The following FER1L5 variants were observed in gnomAD, a reference collection of about 807,000 sequenced individuals.
FER1L5 encodes the protein fer-1 like family member 5, also known as fer-1-like protein 5.
A neutral mutation model predicts 279.9 loss-of-function variants in FER1L5; 187 were observed. That is an observed-to-expected ratio of 0.67 (90% confidence interval 0.59 to 0.75). FER1L5 has a LOEUF of 0.75. Ranked by LOEUF, FER1L5 falls within the 30% of genes least tolerant of loss-of-function variation. The pLI is 0.00. For synonymous variants in FER1L5, 921 were observed against 989.7 expected (o/e 0.93, Z 1.30); for missense variants, 2,091 against 2,594.4 (o/e 0.81, Z 4.21).
chr2:96,692,642 G>A (rs962293932), intron 31 of FER1L5, among the ~76,000 whole-genome samples: 2 of 152,206 alleles, frequency 1.3e-5, no homozygotes, highest in African/African-American at 2.4e-5. Flanking sequence ...TGTATCACTC[G>A]TGTTTGGACA....
rs72809813 is a variant in FER1L5, at chr2:96,648,238, A to G, written c.339+352A>G. Among the ~76,000 whole-genome samples, 1,303 of 152,318 alleles carry G rather than the reference A, an allele frequency of 8.6e-3. 17 individuals carry two copies. The highest frequency in any genetic ancestry group is 0.012 in the Non-Finnish European group (798 of 68,026). ...GGCTCAGGTCAGGAGGGAGTGAACAATTTGTCTCAGGAGGTCATGGACAGA... is the reference window on the plus strand; with the variant it reads ...GGCTCAGGTCAGGAGGGAGTGAACAGTTTGTCTCAGGAGGTCATGGACAGA... On this transcript the variant is annotated intron_variant, in intron 4 of 52. Transcript: ENST00000624922.
chr2:96,661,547 C>T (rs1273343797), intron 11 of FER1L5, 107 bp downstream of exon 11: 14 of 1,503,688 alleles, frequency 9.3e-6, no homozygotes, highest in South Asian at 2.4e-5. Context: ...TTGTCCGCTG[C>T]GTCACTGCAG....
chr2:96,670,767 C>T (rs949136670), intron 18 of FER1L5, among the ~76,000 whole-genome samples: 2 of 150,806 alleles, frequency 1.3e-5, no homozygotes, highest in African/African-American at 2.4e-5. Flanking sequence ...GGCTGGGCAA[C>T]AAAGCAAGAC....
intron 9 of FER1L5, among the ~76,000 whole-genome samples, chr2:96,659,433 CTTTCTTTCTTTCTTTCTTTCTTTCTTT>C (rs2075825953): frequency 1.1e-4 from 2 of 18,214 alleles, no homozygotes; most frequent in Non-Finnish European, 1.9e-4. Context: ...TTCTTTCTTT[CTTTCTTTCTTTCTTTCTTTCTTTCTTT>C]CTTTCTTTCT....
rs1284737019 is a variant in FER1L5, at chr2:96,691,947, C to A, written c.3198C>A (p.Ile1066=). Residue 1066 remains isoleucine, a synonymous_variant, in exon 30 of 53, where the codon ATC becomes ATA. Transcript: ENST00000624922. This position sits in a 1 kb window ranked among gnomAD's most constrained non-coding sequence, Gnocchi z 6.0. ...QDTRPPNLPF[I]YCTFNKPHYY... ...CCCGGCCCCCCAACTTGCCCTTCAT[C>A]TACTGCACCTTCAATAGTAAGCACT... 4 of 1,545,308 alleles carry A rather than the reference C, an allele frequency of 2.6e-6. No homozygotes were observed. The highest frequency in any genetic ancestry group is 8.7e-7 in the Non-Finnish European group (1 of 1,145,978).
Position 96,702,884 on chromosome 2 carries a change from A to G in FER1L5, c.5398-94A>G. The stretch of plus-strand genomic sequence containing the variant: ...CCTCAGGTGGAAACCCTCTTCCTTG[A>G]TAGTCTATCACTGCTGGGTGGAGGG... On this transcript the variant is annotated intron_variant, in intron 48 of 52. Coordinates refer to ENST00000624922, the MANE Select transcript of FER1L5 (RefSeq NM_001293083.2). The surrounding 1 kb of genome is among the most constrained non-coding windows in gnomAD (Gnocchi z 4.0). 1 of 1,530,602 alleles carries G rather than the reference A, an allele frequency of 6.5e-7. No homozygotes were observed. Among genetic ancestry groups the G allele is most frequent in the South Asian group, 1.2e-5 (1 of 83,602 alleles). The allele number at this position is 1,530,602 out of a possible 1,614,324, so 94.8% of individuals were successfully genotyped here.
At chr2:96,667,496 C>T (rs1288650296) in intron 14 of FER1L5, among the ~76,000 whole-genome samples, 4 of 151,760 alleles carry the variant, frequency 2.6e-5, no homozygotes, top group Admixed American at 1.3e-4. Context: ...TACAGGCATG[C>T]GCCACCACAC....
In FER1L5 at chr2:96,691,841, A is replaced by G. The variant is rs1438863454; in HGVS notation, c.3092A>G (p.Tyr1031Cys). The change falls in exon 30 of 53, where the codon TAC becomes TGC. Residue 1031 changes from tyrosine to cysteine, a missense_variant. Tyr to Cys is a radical substitution (Grantham distance 194). Transcript: ENST00000624922. This position sits in a 1 kb window ranked among gnomAD's most constrained non-coding sequence, Gnocchi z 6.0. ...LEGSLAMDLK[Y>C]HAGKEEDSKT... Reference sequence around the variant, plus strand: ...TGGGTACAGGCTATGGATCTGAAATACCACGCTGGGAAGGAAGAGGACAGC... The same window carrying G: ...TGGGTACAGGCTATGGATCTGAAATGCCACGCTGGGAAGGAAGAGGACAGC... 1 of 1,551,568 alleles carries G rather than the reference A, an allele frequency of 6.4e-7. No individual in the cohort carries two copies. Among genetic ancestry groups the G allele is most frequent in the Non-Finnish European group, 8.7e-7 (1 of 1,146,966 alleles).
chr2:96,682,774 T>G (rs758748917), intron 19 of FER1L5, among the ~76,000 whole-genome samples: 5 of 152,126 alleles, frequency 3.3e-5, no homozygotes, highest in Admixed American at 1.3e-4. Flanking sequence ...GGCATGATCA[T>G]GGCTCATTGT....
At position 96,698,017 on chromosome 2, in the gene FER1L5, G is replaced by T; in HGVS notation, c.4237-20G>T. The T allele has an allele frequency of 1.3e-6, 2 of 1,551,828 alleles. No individual in the cohort carries two copies. Among genetic ancestry groups the T allele is most frequent in the Non-Finnish European group, 1.7e-6 (2 of 1,147,310 alleles). ...CACGGGAACAGTCTCCACCAGCCAG[G>T]GTTCCACACACCTCTGCAGGTGTAT... is the stretch of plus-strand genomic sequence containing the variant. On this transcript the variant is annotated intron_variant, in intron 39 of 52. Transcript: ENST00000624922. This position sits in a 1 kb window ranked among gnomAD's most constrained non-coding sequence, Gnocchi z 5.5.
intron 8 of FER1L5, 128 bp downstream of exon 8, chr2:96,653,830 C>T: frequency 1.5e-6 from 1 of 664,700 alleles, no homozygotes. Context: ...ATCCCCACCA[C>T]TTTCTTCACC....
chr2:96,645,936 C>G (rs1333237431), intron 1 of FER1L5, among the ~76,000 whole-genome samples: 2 of 151,716 alleles, frequency 1.3e-5, no homozygotes, highest in Admixed American at 1.3e-4. Context: ...TGCCATATCA[C>G]ACCTGCCACC....
chr2:96,645,306 C>T (rs552944626), intron 1 of FER1L5, among the ~76,000 whole-genome samples: 1 of 152,152 alleles, frequency 6.6e-6, no homozygotes, highest in Non-Finnish European at 1.5e-5. Context: ...AGGGACTAGC[C>T]GCTTGCCCCT....
At chr2:96,659,754 G>A (rs2075887710) in intron 9 of FER1L5, among the ~76,000 whole-genome samples, 1 of 151,872 alleles carries the variant, frequency 6.6e-6, no homozygotes. Context: ...GCCTCCCAAA[G>A]TGCTGGGATT....
rs74538894 is a variant in FER1L5 at position 96,695,014 on chromosome 2, G to A, written c.3742-495G>A. ...TTGGCTGGTTCCCGCTTTAGGCCCC[G>A]AGGAGGCCCAAAGTCAGGGTGCAGC... On this transcript the variant is annotated intron_variant, in intron 34 of 52. Coordinates refer to ENST00000624922, the MANE Select transcript of FER1L5 (RefSeq NM_001293083.2). 6.9e-3 allele frequency: 1,069 copies of A among 155,824 alleles called. 8 individuals carry two copies. The highest frequency in any genetic ancestry group is 0.025 in the African/African-American group (1,026 of 41,684). 9.7% of individuals were successfully genotyped at this position (155,824 alleles called of 1,614,324 possible). A position where few individuals can be genotyped will look rare whatever the true frequency, so the allele number is the denominator to read the frequency against.
In FER1L5 at chr2:96,642,860, G is replaced by C; in HGVS notation, c.24G>C (p.Ser8=). The part of the protein sequence containing the change: MLRLVVQ[S]AKIDPPLAPL... ...AGATGCTGCGGCTTGTGGTGCAGTC[G>C]GCCAAGATTGACCCACCACTAGCCC... Residue 8 remains serine, a synonymous_variant, in exon 1 of 53, where the codon TCG becomes TCC. Transcript: ENST00000624922. 6.4e-7 allele frequency: 1 copy of C among 1,550,892 alleles called. No individual in the cohort carries two copies. The highest frequency in any genetic ancestry group is 8.7e-7 in the Non-Finnish European group (1 of 1,146,624).
At chr2:96,697,616 G>A (rs2077430106) in intron 38 of FER1L5, 40 bp downstream of exon 38, 1 of 1,613,742 alleles carries the variant, frequency 6.2e-7, no homozygotes, top group African/African-American at 1.3e-5. Context: ...GGGAGGTGGG[G>A]GGCTGCCCCT....
chr2:96,672,660 ATGTGTG>A (rs140636948), intron 18 of FER1L5, among the ~76,000 whole-genome samples: 7 of 148,174 alleles, frequency 4.7e-5, no homozygotes, highest in African/African-American at 9.9e-5. Context: ...GGGAGTATGA[ATGTGTG>A]TGTGTGTGTG....
intron 19 of FER1L5, among the ~76,000 whole-genome samples, chr2:96,679,702 A>G (rs184481932): frequency 7.9e-5 from 12 of 152,306 alleles, no homozygotes; most frequent in Admixed American, 4.6e-4. Flanking sequence ...AATTTTCTAC[A>G]TCAGAGGCTC....
Sources: gnomAD v4.1 joint callset for allele counts (sites outside exome capture counted in the v4.1 genomes callset) on GRCh38, gnomAD v4.1.1 for gene constraint, Gnocchi (gnomAD v3.1) non-coding constraint, MANE v1.5 for transcripts, NCBI Gene and HGNC (gene_info 2026-07-23, HGNC 2026-07-21) for gene names.